The following CNTNAP5 variants were observed in gnomAD, a reference collection of about 807,000 sequenced individuals.
CNTNAP5 encodes the protein contactin-associated protein-like 5.
Under a neutral mutation model 150.2 loss-of-function variants are expected in CNTNAP5, and 72 were observed. That is an observed-to-expected ratio of 0.48 (90% CI 0.40 to 0.58). The LOEUF is 0.58. Among genes scored for constraint, CNTNAP5 ranks in the 20% least tolerant of loss-of-function variants. The probability of loss-of-function intolerance (pLI) is 0.00; values close to 1 mark genes in which losing one functional copy is unlikely to be tolerated. For synonymous variants in CNTNAP5, 672 were observed against 619.8 expected (o/e 1.08, Z -1.25); for missense variants, 1,636 against 1,626.2 (o/e 1.01, Z -0.10).
intron 21 of CNTNAP5, among the ~76,000 whole-genome samples, chr2:124,897,934 CAAGTGT>C (rs1558817959): frequency 2.5e-5 from 3 of 118,788 alleles, no homozygotes; most frequent in Non-Finnish European, 5.1e-5. Flanking sequence ...AAGCAAATGC[CAAGTGT>C]GTGTGTGTGT....
chr2:124,732,733 T>C (rs1346815448), intron 13 of CNTNAP5, among the ~76,000 whole-genome samples: 1 of 152,176 alleles, frequency 6.6e-6, no homozygotes, highest in East Asian at 1.9e-4. Context: ...GAATTTCACA[T>C]TTTCAACTAA....
intron 11 of CNTNAP5, among the ~76,000 whole-genome samples, chr2:124,602,812 A>T (rs1697014820): frequency 6.6e-6 from 1 of 152,190 alleles, no homozygotes; most frequent in African/African-American, 2.4e-5. Context: ...TTTTAGAAAC[A>T]AATTGTGGAC....
intron 21 of CNTNAP5, among the ~76,000 whole-genome samples, chr2:124,871,828 C>T (rs890235896): frequency 2.6e-5 from 4 of 152,032 alleles, no homozygotes; most frequent in East Asian, 3.9e-4. Flanking sequence ...GTTTCCTGTT[C>T]GCTATGTCAT....
chr2:124,755,110 C>A (rs1381686021), intron 14 of CNTNAP5, among the ~76,000 whole-genome samples: 1 of 151,756 alleles, frequency 6.6e-6, no homozygotes, highest in Admixed American at 6.6e-5. Context: ...ATGCCACCAT[C>A]CTATCCAACT....
intron 13 of CNTNAP5, among the ~76,000 whole-genome samples, chr2:124,677,553 AC>A (rs1467891151): frequency 5.9e-5 from 9 of 152,124 alleles, no homozygotes; most frequent in Admixed American, 5.9e-4. Flanking sequence ...TGGTGTGTTT[AC>A]AAACCTTTAG....
chr2:124,500,159 T>C (rs1694243740), intron 7 of CNTNAP5, among the ~76,000 whole-genome samples: 1 of 152,178 alleles, frequency 6.6e-6, no homozygotes, highest in Admixed American at 6.5e-5. Flanking sequence ...CTTTGCCAAG[T>C]CCACCAATTT....
At chr2:124,550,617 T>C (rs1023988381) in intron 10 of CNTNAP5, among the ~76,000 whole-genome samples, 4 of 152,072 alleles carry the variant, frequency 2.6e-5, no homozygotes, top group Non-Finnish European at 5.9e-5. Flanking sequence ...TGCTTCCTAG[T>C]AGATGTGAGG....
At chr2:124,769,781 A>G (rs1681151077) in intron 16 of CNTNAP5, among the ~76,000 whole-genome samples, 1 of 152,138 alleles carries the variant, frequency 6.6e-6, no homozygotes, top group South Asian at 2.1e-4. Context: ...GGGAAACACC[A>G]TCTGGATTCA....
intron 11 of CNTNAP5, among the ~76,000 whole-genome samples, chr2:124,585,808 T>C (rs562916709): frequency 5.3e-5 from 8 of 151,172 alleles, no homozygotes; most frequent in Admixed American, 2.0e-4. Flanking sequence ...CTTGGAACAG[T>C]AATGAGGCCA....
intron 7 of CNTNAP5, among the ~76,000 whole-genome samples, chr2:124,494,096 G>A (rs1281616795): frequency 1.4e-5 from 2 of 140,182 alleles, no homozygotes; most frequent in African/African-American, 5.2e-5. Context: ...GTGTGTGTGT[G>A]CCTGTGTGTG....
chr2:124,566,455 A>G (rs1026758497), intron 11 of CNTNAP5, among the ~76,000 whole-genome samples: 2 of 152,220 alleles, frequency 1.3e-5, no homozygotes, highest in Non-Finnish European at 2.9e-5. Flanking sequence ...TTGAAAATCA[A>G]TGGAGGTGAG....
intron 19 of CNTNAP5, among the ~76,000 whole-genome samples, chr2:124,813,470 T>A: frequency 6.6e-6 from 1 of 151,940 alleles, no homozygotes. Context: ...TTCAGCTGGT[T>A]ACTGTATCCT....
intron 3 of CNTNAP5, among the ~76,000 whole-genome samples, chr2:124,273,201 T>C (rs2104615128): frequency 6.6e-6 from 1 of 152,330 alleles, no homozygotes; most frequent in Admixed American, 6.5e-5. Flanking sequence ...TCATCTGTAG[T>C]GCTAGAATGC....
chr2:124,788,680 A>C, intron 17 of CNTNAP5, among the ~76,000 whole-genome samples: 1 of 145,024 alleles, frequency 6.9e-6, no homozygotes, highest in Non-Finnish European at 1.5e-5. Context: ...GGCTCACTGT[A>C]GCCTCCGCCT....
At chr2:124,710,767 G>A (rs894566746) in intron 13 of CNTNAP5, among the ~76,000 whole-genome samples, 7 of 152,106 alleles carry the variant, frequency 4.6e-5, no homozygotes, top group African/African-American at 1.7e-4. Flanking sequence ...TCACTTCATT[G>A]TTTAATTCAG....
chr2:124,877,142 G>A (rs576394125), intron 21 of CNTNAP5, among the ~76,000 whole-genome samples: 7 of 152,126 alleles, frequency 4.6e-5, no homozygotes, highest in African/African-American at 1.7e-4. Context: ...TCTGATTTAA[G>A]ATGCAATTTT....
chr2:124,596,085 A>T lies in CNTNAP5; in HGVS notation c.1757-13716A>T, dbSNP rs1230748170. Among the ~76,000 whole-genome samples, 12 of 131,492 alleles carry T rather than the reference A, an allele frequency of 9.1e-5. No homozygotes were observed. The South Asian group carries it at 3.0e-3, about 32-fold the overall frequency. The allele number at this position is 131,492 out of a possible 152,430, so 86.3% of individuals were successfully genotyped here. ...TCAATTTTGTTGATCCTTTCAAAAAACCAGCTCCTGGATTCATTGATTTTT... is the reference window on the plus strand; with the variant it reads ...TCAATTTTGTTGATCCTTTCAAAAATCCAGCTCCTGGATTCATTGATTTTT... On this transcript the variant is annotated intron_variant, in intron 11 of 23. Coordinates refer to ENST00000682447, the MANE Select transcript of CNTNAP5 (RefSeq NM_001367498.1).
intron 1 of CNTNAP5, among the ~76,000 whole-genome samples, chr2:124,123,576 T>G: frequency 6.6e-6 from 1 of 152,018 alleles, no homozygotes; most frequent in East Asian, 1.9e-4. Flanking sequence ...AACATGGAGT[T>G]TGAGATATGA....
At chr2:124,396,507 G>A (rs73952956) in intron 3 of CNTNAP5, among the ~76,000 whole-genome samples, 15,359 of 152,128 alleles carry the variant, frequency 0.1, 1,106 homozygotes, top group African/African-American at 0.21. Flanking sequence ...TAATAAATAC[G>A]TTGTAAAGAA....
Sources: gnomAD v4.1 joint callset for allele counts (sites outside exome capture counted in the v4.1 genomes callset) on GRCh38, gnomAD v4.1.1 for gene constraint, MANE v1.5 for transcripts, NCBI Gene and HGNC (gene_info 2026-07-23, HGNC 2026-07-21) for gene names.